Variants in ZNF385D observed in about 807,000 individuals in gnomAD.
The protein encoded by ZNF385D is zinc finger protein 385D.
A neutral mutation model predicts 35.8 loss-of-function variants in ZNF385D; 15 were observed. That is an observed-to-expected ratio of 0.42 (90% CI 0.28 to 0.64). The LOEUF (loss-of-function observed/expected upper bound fraction) is 0.64. Ranked by LOEUF, ZNF385D falls within the 30% of genes least tolerant of loss-of-function variation. The pLI is 0.23. For missense variants in ZNF385D, 474 were observed against 494.6 expected (o/e 0.96, Z 0.39); for synonymous variants, 212 against 186.8 (o/e 1.13, Z -1.10).
intron 3 of ZNF385D, among the ~76,000 whole-genome samples, chr3:21,990,026 G>C (rs1010357142): frequency 2.6e-5 from 4 of 152,104 alleles, no homozygotes; most frequent in Non-Finnish European, 4.4e-5. Flanking sequence ...ATATTAAATG[G>C]GAAATAATTT....
At chr3:22,190,874 C>G (rs61536503) in intron 2 of ZNF385D, among the ~76,000 whole-genome samples, 3,391 of 151,946 alleles carry the variant, frequency 0.022, 141 homozygotes, top group African/African-American at 0.077. Context: ...ACATGACCTA[C>G]CACTTTACAG....
intron 3 of ZNF385D, among the ~76,000 whole-genome samples, chr3:21,947,372 G>C (rs1701844297): frequency 8.5e-6 from 1 of 117,864 alleles, no homozygotes; most frequent in African/African-American, 3.4e-5. Context: ...TTTATTTTGA[G>C]ACAGAGTCTC....
At chr3:21,824,585 G>C (rs894565865) in intron 3 of ZNF385D, among the ~76,000 whole-genome samples, 1 of 151,734 alleles carries the variant, frequency 6.6e-6, no homozygotes, top group African/African-American at 2.4e-5. Context: ...CATATATCTA[G>C]TTTTATTTGT....
intron 3 of ZNF385D, among the ~76,000 whole-genome samples, chr3:21,841,120 G>A (rs936540844): frequency 6.6e-6 from 1 of 152,014 alleles, no homozygotes; most frequent in Non-Finnish European, 1.5e-5. Context: ...GACATTCAGA[G>A]CAATGATGGC....
intron 5 of ZNF385D, among the ~76,000 whole-genome samples, chr3:21,433,847 G>C (rs1400631583): frequency 5.9e-5 from 9 of 152,092 alleles, no homozygotes; most frequent in Admixed American, 5.9e-4. Flanking sequence ...TAAATTCGCA[G>C]ATTTTTATTA....
chr3:21,610,032 C>T (rs888255815), intron 2 of ZNF385D, among the ~76,000 whole-genome samples: 3 of 152,078 alleles, frequency 2.0e-5, no homozygotes, highest in South Asian at 2.1e-4. Context: ...AGCAAAACAG[C>T]GTGTTTAATA....
In ZNF385D at chr3:21,425,543, A is replaced by G; in HGVS notation, c.801T>C (p.Phe267=). ...KGNTGLQNKT[F]HCEICDVHVN... ...CGTGCACATCACAGATTTCACAGTG[A>G]AATGTTTTATTTTGGAGGCCTGTGT... is the stretch of plus-strand genomic sequence containing the variant. Residue 267 remains phenylalanine (F), a synonymous_variant, in exon 6 of 8, where the codon TTT becomes TTC. Coordinates refer to ENST00000281523, the MANE Select transcript of ZNF385D (RefSeq NM_024697.3). 1 of 1,611,640 alleles carries G rather than the reference A, an allele frequency of 6.2e-7. No homozygotes were observed. The highest frequency in any genetic ancestry group is 1.3e-5 in the African/African-American group (1 of 74,914).
At chr3:22,116,186 G>GA (rs1702802865) in intron 3 of ZNF385D, among the ~76,000 whole-genome samples, 2 of 151,886 alleles carry the variant, frequency 1.3e-5, no homozygotes, top group African/African-American at 4.8e-5. Context: ...AGAGCTTTTA[G>GA]AAAAAAGCTC....
chr3:22,306,104 T>C (rs1019205445), intron 2 of ZNF385D, among the ~76,000 whole-genome samples: 2 of 152,124 alleles, frequency 1.3e-5, no homozygotes, highest in Non-Finnish European at 1.5e-5. Context: ...GTCAGAATTC[T>C]CTTTCGTATT....
At chr3:22,236,441 C>T (rs1699188898) in intron 2 of ZNF385D, among the ~76,000 whole-genome samples, 1 of 152,102 alleles carries the variant, frequency 6.6e-6, no homozygotes, top group Admixed American at 6.6e-5. Flanking sequence ...AAGTGATCCT[C>T]CCATCTAAGC....
At chr3:21,606,045 A>G (rs11918612) in intron 2 of ZNF385D, among the ~76,000 whole-genome samples, 53,989 of 152,008 alleles carry the variant, frequency 0.36, 10,665 homozygotes, top group South Asian at 0.5. Context: ...GACTCAGTCT[A>G]TGGCTCTACC....
chr3:21,426,593 C>A (rs1701038521), intron 5 of ZNF385D, among the ~76,000 whole-genome samples: 1 of 151,480 alleles, frequency 6.6e-6, no homozygotes, highest in Non-Finnish European at 1.5e-5. Context: ...GTGACATTTT[C>A]TTTTATAATC....
At chr3:22,039,719 G>A (rs1329974558) in intron 3 of ZNF385D, among the ~76,000 whole-genome samples, 7 of 152,054 alleles carry the variant, frequency 4.6e-5, no homozygotes, top group Admixed American at 3.3e-4. Flanking sequence ...TTCTTGGAGA[G>A]CCCGAATATT....
chr3:21,817,681 G>C (rs1319987519), intron 3 of ZNF385D, among the ~76,000 whole-genome samples: 1 of 152,218 alleles, frequency 6.6e-6, no homozygotes, highest in Non-Finnish European at 1.5e-5. Flanking sequence ...AACAACAGGT[G>C]CTGGAGAGGA....
chr3:21,671,964 T>G (rs555966314), intron 1 of ZNF385D, among the ~76,000 whole-genome samples: 1 of 152,318 alleles, frequency 6.6e-6, no homozygotes, highest in African/African-American at 2.4e-5. Flanking sequence ...TAACATCTGC[T>G]GACCAAATCG....
chr3:22,233,074 A>G (rs1471832240), intron 2 of ZNF385D, among the ~76,000 whole-genome samples: 4 of 152,238 alleles, frequency 2.6e-5, no homozygotes, highest in South Asian at 4.1e-4. Flanking sequence ...AATTTTTACT[A>G]TAATTTTTTT....
intron 2 of ZNF385D, among the ~76,000 whole-genome samples, chr3:22,306,975 T>C (rs927368234): frequency 6.6e-6 from 1 of 152,152 alleles, no homozygotes; most frequent in African/African-American, 2.4e-5. Flanking sequence ...TGCCTACACA[T>C]GCATTAGAGT....
chr3:22,044,715 T>A (rs1254306787), intron 3 of ZNF385D, among the ~76,000 whole-genome samples: 2 of 151,866 alleles, frequency 1.3e-5, no homozygotes, highest in African/African-American at 4.8e-5. Context: ...GGAAGGAAGG[T>A]GGAGAGAATG....
chr3:22,068,362 T>C (rs1055074022), intron 3 of ZNF385D, among the ~76,000 whole-genome samples: 1 of 152,154 alleles, frequency 6.6e-6, no homozygotes, highest in Non-Finnish European at 1.5e-5. Context: ...GCCTGTCCCT[T>C]CATGAGCATT....
Sources: gnomAD v4.1 joint callset for allele counts (sites outside exome capture counted in the v4.1 genomes callset) on GRCh38, gnomAD v4.1.1 for gene constraint, MANE v1.5 for transcripts, NCBI Gene and HGNC (gene_info 2026-07-23, HGNC 2026-07-21) for gene names.